E2F3: variants seen among roughly 807,000 people sequenced by gnomAD.
E2F3 encodes the protein transcription factor E2F3.
In E2F3, 11 loss-of-function variants were observed where a neutral mutation model predicts 44.4. That is an observed-to-expected ratio of 0.25 (90% CI 0.16 to 0.41). The LOEUF (loss-of-function observed/expected upper bound fraction) is 0.41, where lower values mean the gene tolerates loss of function less well. Ranked by LOEUF, E2F3 falls within the 10% of genes least tolerant of loss-of-function variation. E2F3 has a pLI of 1.00. For synonymous variants in E2F3, 249 were observed against 253.0 expected, an observed-to-expected ratio of 0.98 and a Z score of 0.15; for missense variants, 487 against 583.6, an observed-to-expected ratio of 0.83 and a Z score of 1.70.
At chr6:20,456,404 G>A (rs1042760819) in intron 1 of E2F3, among the ~76,000 whole-genome samples, 19 of 151,822 alleles carry the variant, frequency 1.3e-4, no homozygotes, top group African/African-American at 4.4e-4. Flanking sequence ...ATCTGTTCTT[G>A]TAGTTTCTTA....
At chr6:20,485,554 G>A (rs1203383127) in intron 4 of E2F3, among the ~76,000 whole-genome samples, 3 of 152,154 alleles carry the variant, frequency 2.0e-5, no homozygotes, top group Non-Finnish European at 4.4e-5. Context: ...ACTCCAGCCT[G>A]GGTGACAGAG....
chr6:20,482,879 C>CCTCAAA lies in E2F3; in HGVS notation c.845_846insCAAACT (p.Leu282_Asp283insLysLeu). 1 of 1,613,778 alleles carries CCTCAAA rather than the reference C, an allele frequency of 6.2e-7. No individual in the cohort carries two copies. On this transcript the variant is annotated inframe_insertion, in exon 4 of 7. Coordinates refer to ENST00000346618, the MANE Select transcript of E2F3 (RefSeq NM_001949.5). ...TAGATGAACTGATCCAAAGCTGCACCCTGGACCTCAAACTGTTAACCGAGG... is the reference window on the plus strand; with the variant it reads ...TAGATGAACTGATCCAAAGCTGCACCCTCAAACTGGACCTCAAACTGTTAACCGAGG...
chr6:20,402,376 C>A lies in E2F3; in HGVS notation c.144C>A (p.Ala48=). The part of the protein sequence containing the change: ...LLASPGFAAA[A]AAAAAPGAYI... The stretch of plus-strand genomic sequence containing the variant: ...CCAGCCCCGGCTTCGCCGCCGCCGC[C>A]GCCGCTGCCGCCGCCCCGGGCGCGT... The change falls in exon 1 of 7, where the codon GCC becomes GCA. Residue 48 remains alanine, a synonymous_variant. Transcript: ENST00000346618. The surrounding 1 kb of genome is among the most constrained non-coding windows in gnomAD (Gnocchi z 5.6). The A allele has an allele frequency of 6.2e-7, 1 of 1,609,458 alleles. No individual in the cohort carries two copies. Among genetic ancestry groups the A allele is most frequent in the African/African-American group, 1.3e-5 (1 of 74,748 alleles).
In E2F3 at chr6:20,481,300, G is replaced by C; in HGVS notation, c.600G>C (p.Gly200=). The stretch of plus-strand genomic sequence containing the variant: ...AGCTCCTGAGCCAGTCACCCGATGG[G>C]GTATTGGATTTGAACAAGGCAGCAG... The part of the protein sequence containing the change: ...FIQLLSQSPD[G]VLDLNKAAEV... The change falls in exon 3 of 7, where the codon GGG becomes GGC. Residue 200 remains glycine, a synonymous_variant. Coordinates refer to ENST00000346618, the MANE Select transcript of E2F3 (RefSeq NM_001949.5). The C allele has an allele frequency of 6.2e-7, 1 of 1,614,018 alleles. No individual in the cohort carries two copies. The highest frequency in any genetic ancestry group is 8.5e-7 in the Non-Finnish European group (1 of 1,179,996).
chr6:20,409,773 G>T (rs1237752320), intron 1 of E2F3, among the ~76,000 whole-genome samples: 1 of 152,196 alleles, frequency 6.6e-6, no homozygotes, highest in Non-Finnish European at 1.5e-5. Context: ...ATTGCTTCAA[G>T]CCCTGAGGCC....
chr6:20,485,947 T>C (rs1288479839), intron 4 of E2F3, among the ~76,000 whole-genome samples: 1 of 152,210 alleles, frequency 6.6e-6, no homozygotes, highest in East Asian at 1.9e-4. Flanking sequence ...AAAAAAATTA[T>C]GGCTAATAGA....
At chr6:20,408,175 A>G (rs576339025) in intron 1 of E2F3, among the ~76,000 whole-genome samples, 1 of 152,356 alleles carries the variant, frequency 6.6e-6, no homozygotes, top group East Asian at 1.9e-4. Flanking sequence ...AAAGCAGTAA[A>G]TATAGGAAAC....
At chr6:20,485,637 T>C (rs901534643) in intron 4 of E2F3, among the ~76,000 whole-genome samples, 1 of 152,236 alleles carries the variant, frequency 6.6e-6, no homozygotes, top group African/African-American at 2.4e-5. Flanking sequence ...TCTCTTTTCC[T>C]AAATCAGTGT....
rs539332603 is a variant in E2F3 at position 20,475,272 on chromosome 6, G to T, written c.394-4574G>T. 1.1e-4 allele frequency among the ~76,000 whole-genome samples: 17 copies of T among 152,334 alleles called. No homozygotes were observed. The South Asian group carries it at 2.7e-3, about 24-fold the overall frequency. On this transcript the variant is annotated intron_variant, in intron 1 of 6. Coordinates refer to ENST00000346618, the MANE Select transcript of E2F3 (RefSeq NM_001949.5). ...GAGTTACACATGAAGACTAGTCCCGGTCTTTCGAAGTTAAGTCTCAGTCAC... is the reference window on the plus strand; with the variant it reads ...GAGTTACACATGAAGACTAGTCCCGTTCTTTCGAAGTTAAGTCTCAGTCAC...
chr6:20,456,289 T>G (rs1293868512), intron 1 of E2F3, among the ~76,000 whole-genome samples: 1 of 151,802 alleles, frequency 6.6e-6, no homozygotes, highest in South Asian at 2.1e-4. Flanking sequence ...CCAAGGTTTC[T>G]TGCCATTCCT....
intron 1 of E2F3, chr6:20,403,792 C>T: frequency 6.7e-7 from 1 of 1,498,836 alleles, no homozygotes; most frequent in Non-Finnish European, 8.9e-7. Context: ...CCACCTCCCC[C>T]CGGAGCCAGG....
chr6:20,426,079 C>T (rs191181591), intron 1 of E2F3, among the ~76,000 whole-genome samples: 1 of 152,284 alleles, frequency 6.6e-6, no homozygotes, highest in Non-Finnish European at 1.5e-5. Flanking sequence ...ACAATGAGTC[C>T]ATTTGAAATT....
chr6:20,402,227 C>T lies in E2F3; in HGVS notation c.-6C>T. The T allele has an allele frequency of 6.3e-7, 1 of 1,584,642 alleles. No individual in the cohort carries two copies. The highest frequency in any genetic ancestry group is 8.5e-7 in the Non-Finnish European group (1 of 1,171,874). ...ACCATAACACTAAAAAGAGCAGGAG[C>T]GAGAGATGAGAAAGGGAATCCAGCC... On this transcript the variant is annotated 5_prime_UTR_variant, in exon 1 of 7. Transcript: ENST00000346618. The surrounding 1 kb of genome is among the most constrained non-coding windows in gnomAD (Gnocchi z 5.6).
At chr6:20,407,634 C>T (rs1038390027) in intron 1 of E2F3, among the ~76,000 whole-genome samples, 2 of 152,200 alleles carry the variant, frequency 1.3e-5, no homozygotes, top group African/African-American at 4.8e-5. Context: ...TTAATGCCAT[C>T]TGCAAAGATA....
intron 1 of E2F3, among the ~76,000 whole-genome samples, chr6:20,448,912 T>C (rs909822676): frequency 2.0e-5 from 3 of 152,184 alleles, no homozygotes; most frequent in African/African-American, 7.2e-5. Flanking sequence ...TTTATAGAAA[T>C]TGAATGATCC....
chr6:20,425,510 G>A (rs7753368), intron 1 of E2F3, among the ~76,000 whole-genome samples: 1 of 152,044 alleles, frequency 6.6e-6, no homozygotes, highest in Non-Finnish European at 1.5e-5. Context: ...TGCCTCAGCC[G>A]CCTGAGTAGC....
chr6:20,403,603 G>A (rs1759384608), intron 1 of E2F3: 3 of 471,618 alleles, frequency 6.4e-6, no homozygotes, highest in Non-Finnish European at 1.1e-5. Context: ...GAGGGGGAGA[G>A]GGGGGCACCC....
At chr6:20,406,448 A>C (rs554261188) in intron 1 of E2F3, among the ~76,000 whole-genome samples, 1 of 152,336 alleles carries the variant, frequency 6.6e-6, no homozygotes, top group African/African-American at 2.4e-5. Flanking sequence ...ACTTAGTGAA[A>C]TAGTGTAAGG....
chr6:20,433,141 G>A (rs1218559111), intron 1 of E2F3, among the ~76,000 whole-genome samples: 1 of 152,236 alleles, frequency 6.6e-6, no homozygotes, highest in Non-Finnish European at 1.5e-5. Flanking sequence ...CTTGAAGGAA[G>A]CTGGCAGTGG....
Sources: allele counts gnomAD v4.1 joint callset (sites outside exome capture counted in the v4.1 genomes callset), GRCh38; gene constraint gnomAD v4.1.1; non-coding constraint Gnocchi (gnomAD v3.1); transcripts MANE v1.5; gene names NCBI Gene and HGNC (gene_info 2026-07-23, HGNC 2026-07-21).